BABAM2: variants seen among roughly 807,000 people sequenced by gnomAD.
BABAM2 encodes BRISC and BRCA1 A complex member 2, also known as BRISC and BRCA1-A complex member 2.
BABAM2 carries 31 observed loss-of-function variants against 54.7 expected under a neutral mutation model. The ratio of observed to expected loss-of-function variants is 0.57; its 90% CI spans 0.43 to 0.77. The LOEUF (loss-of-function observed/expected upper bound fraction) is 0.77, where lower values mean the gene tolerates loss of function less well. Ranked by LOEUF, BABAM2 falls within the 30% of genes least tolerant of loss-of-function variation. The pLI is 0.00. For synonymous variants in BABAM2, 167 were observed against 162.9 expected (o/e 1.03, Z -0.19); for missense variants, 364 against 455.8 (o/e 0.80, Z 1.83).
intron 7 of BABAM2, among the ~76,000 whole-genome samples, chr2:28,176,250 A>G (rs1674928497): frequency 6.6e-6 from 1 of 152,142 alleles, no homozygotes; most frequent in African/African-American, 2.4e-5. Context: ...ATGAAATGCC[A>G]GAAAAATATA....
At chr2:27,987,224 G>A (rs1389359752) in intron 3 of BABAM2, among the ~76,000 whole-genome samples, 3 of 152,128 alleles carry the variant, frequency 2.0e-5, no homozygotes, top group Admixed American at 1.3e-4. Flanking sequence ...AAATAATGAG[G>A]AGACCTTGTG....
chr2:28,051,671 A>C (rs747345048), intron 6 of BABAM2, among the ~76,000 whole-genome samples: 28 of 151,702 alleles, frequency 1.8e-4, no homozygotes, highest in Non-Finnish European at 3.8e-4. Flanking sequence ...TTTTTGAGAC[A>C]GAGTTTTGCT....
chr2:27,910,955 G>A (rs1282550890), intron 2 of BABAM2, among the ~76,000 whole-genome samples: 1 of 152,114 alleles, frequency 6.6e-6, no homozygotes, highest in African/African-American at 2.4e-5. Flanking sequence ...ATTGAATCCT[G>A]GGGGTGGTTA....
intron 4 of BABAM2, among the ~76,000 whole-genome samples, chr2:28,024,360 C>T (rs193285149): frequency 9.6e-4 from 145 of 151,414 alleles, no homozygotes; most frequent in Middle Eastern, 3.4e-3. Flanking sequence ...GAGCCGAGAT[C>T]GCACCACTGC....
intron 10 of BABAM2, among the ~76,000 whole-genome samples, chr2:28,251,096 G>A (rs535206029): frequency 9.9e-5 from 15 of 152,102 alleles, no homozygotes; most frequent in Non-Finnish European, 2.1e-4. Context: ...TATTTTAAAT[G>A]ACTAATGTTC....
chr2:28,175,297 A>C (rs142801137), intron 7 of BABAM2, among the ~76,000 whole-genome samples: 1,925 of 152,280 alleles, frequency 0.013, 41 homozygotes, highest in African/African-American at 0.044. Flanking sequence ...TTGCCTGCTT[A>C]TAACTACCAC....
chr2:27,908,054 A>G (rs1182331836), intron 2 of BABAM2, among the ~76,000 whole-genome samples: 1 of 152,202 alleles, frequency 6.6e-6, no homozygotes, highest in Non-Finnish European at 1.5e-5. Flanking sequence ...TTGCTAGATC[A>G]TATGATAATT....
At chr2:28,166,261 A>G (rs577215044) in intron 7 of BABAM2, among the ~76,000 whole-genome samples, 50 of 152,318 alleles carry the variant, frequency 3.3e-4, no homozygotes, top group African/African-American at 1.2e-3. Flanking sequence ...AAAGATAACT[A>G]GAGTCCATGG....
chr2:28,040,771 T>C (rs538828702), intron 5 of BABAM2, among the ~76,000 whole-genome samples: 1 of 152,364 alleles, frequency 6.6e-6, no homozygotes, highest in South Asian at 2.1e-4. Flanking sequence ...TAGTATTGTT[T>C]CTTTTATTAT....
intron 10 of BABAM2, among the ~76,000 whole-genome samples, chr2:28,270,507 G>A (rs1219264329): frequency 5.3e-5 from 8 of 152,224 alleles, no homozygotes; most frequent in Non-Finnish European, 1.0e-4. Flanking sequence ...TGGCACCTAT[G>A]TGCACACTCT....
intron 7 of BABAM2, among the ~76,000 whole-genome samples, chr2:28,198,906 C>T (rs533934340): frequency 6.6e-6 from 1 of 151,936 alleles, no homozygotes; most frequent in Non-Finnish European, 1.5e-5. Context: ...CCCCTGCCCC[C>T]ACCTGTCCTC....
At chr2:27,962,551 TG>T (rs1351835859) in intron 3 of BABAM2, among the ~76,000 whole-genome samples, 2 of 152,208 alleles carry the variant, frequency 1.3e-5, no homozygotes, top group African/African-American at 4.8e-5. Flanking sequence ...TATTTAGAAA[TG>T]AAGTTATCAA....
At chr2:28,298,103 TTGGTGAC>T (rs1375097343) in intron 10 of BABAM2, among the ~76,000 whole-genome samples, 2 of 152,196 alleles carry the variant, frequency 1.3e-5, no homozygotes, top group Non-Finnish European at 2.9e-5. Flanking sequence ...ATGCCTTCTA[TTGGTGAC>T]ATTTTCACCC....
chr2:28,188,738 A>G (rs1243366846), intron 7 of BABAM2, among the ~76,000 whole-genome samples: 2 of 152,208 alleles, frequency 1.3e-5, no homozygotes, highest in African/African-American at 4.8e-5. Flanking sequence ...CCCAAAGGAC[A>G]AGGAAGCAAA....
chr2:27,967,467 T>A (rs1009552522), intron 3 of BABAM2, among the ~76,000 whole-genome samples: 1 of 152,172 alleles, frequency 6.6e-6, no homozygotes, highest in African/African-American at 2.4e-5. Context: ...CAAACCTCTT[T>A]CCTTTGTAAA....
intron 6 of BABAM2, among the ~76,000 whole-genome samples, chr2:28,083,395 T>C (rs917274226): frequency 6.6e-6 from 1 of 152,214 alleles, no homozygotes; most frequent in Non-Finnish European, 1.5e-5. Flanking sequence ...TGCAATCTGC[T>C]GTTGGAACAT....
At chr2:28,213,448 A>C (rs1679652897) in intron 7 of BABAM2, among the ~76,000 whole-genome samples, 1 of 152,120 alleles carries the variant, frequency 6.6e-6, no homozygotes, top group Admixed American at 6.5e-5. Flanking sequence ...TCAGTAACTT[A>C]ATATATGAGT....
At chr2:27,948,482 G>A (rs1669461258) in intron 3 of BABAM2, among the ~76,000 whole-genome samples, 1 of 152,128 alleles carries the variant, frequency 6.6e-6, no homozygotes, top group Non-Finnish European at 1.5e-5. Context: ...TGGTAGAAAA[G>A]TGTTAAGGCT....
intron 7 of BABAM2, among the ~76,000 whole-genome samples, chr2:28,215,563 T>A (rs1177093713): frequency 6.6e-6 from 1 of 152,216 alleles, no homozygotes; most frequent in Non-Finnish European, 1.5e-5. Context: ...TTTTCAAACA[T>A]CTCGTTGTTT....
Sources: allele counts gnomAD v4.1 joint callset (sites outside exome capture counted in the v4.1 genomes callset), GRCh38; gene constraint gnomAD v4.1.1; transcripts MANE v1.5; gene names NCBI Gene and HGNC (gene_info 2026-07-23, HGNC 2026-07-21).